The following MTIF2 variants were observed in gnomAD, a reference collection of about 807,000 sequenced individuals.
The protein encoded by MTIF2 is translation initiation factor IF-2, mitochondrial.
A neutral mutation model predicts 83.5 loss-of-function variants in MTIF2; 71 were observed. The ratio of observed to expected loss-of-function variants is 0.85; its 90% confidence interval spans 0.70 to 1.04. MTIF2 has a LOEUF of 1.04. MTIF2 is among the 50% of genes least tolerant of loss of function. MTIF2 has a pLI of 0.00. For synonymous variants in MTIF2, 319 were observed against 287.1 expected (o/e 1.11, Z -1.12); for missense variants, 957 against 846.5 (o/e 1.13, Z -1.62).
intron 8 of MTIF2, among the ~76,000 whole-genome samples, chr2:55,252,251 A>C (rs1438419200): frequency 1.3e-5 from 2 of 152,210 alleles, no homozygotes; most frequent in Non-Finnish European, 2.9e-5. Context: ...TAGTAGAGGA[A>C]AGATTGTACC....
At position 55,263,765 on chromosome 2, in the gene MTIF2, G is replaced by C; in HGVS notation, c.94C>G (p.Gln32Glu). 6.2e-7 allele frequency: 1 copy of C among 1,614,056 alleles called. No individual in the cohort carries two copies. The highest frequency in any genetic ancestry group is 8.5e-7 in the Non-Finnish European group (1 of 1,180,012). ...GCAGATGAAAACCCATGCCTCCACT[G>C]TCTTAATGCTCTTCTTTGACACAGA... is the stretch of plus-strand genomic sequence containing the variant. The part of the protein sequence containing the change: ...HSLCQRRALR[Q>E]WRHGFSSAYP... The change falls in exon 4 of 16, where the codon CAG becomes GAG. Residue 32 changes from glutamine (Q) to glutamate (E), a missense_variant. This residue lies in a region of MTIF2 where 733 missense variants were observed against 648.7 expected (regional missense o/e 1.13). Coordinates refer to ENST00000263629, the MANE Select transcript of MTIF2 (RefSeq NM_002453.3).
At chr2:55,260,189 C>T (rs547102831) in intron 5 of MTIF2, among the ~76,000 whole-genome samples, 39 of 152,060 alleles carry the variant, frequency 2.6e-4, no homozygotes, top group Admixed American at 2.3e-3. Context: ...CACCTGAGGT[C>T]GGGAGTTCGA....
chr2:55,243,511 G>A lies in MTIF2; in HGVS notation c.1469C>T (p.Ser490Leu). 3 of 1,613,924 alleles carry A rather than the reference G, an allele frequency of 1.9e-6. No individual in the cohort carries two copies. The highest frequency in any genetic ancestry group is 2.5e-6 in the Non-Finnish European group (3 of 1,179,952). ...TTTTCTTTCTAAAAACCGTAGAATTGATCTCTTCTTCCACAGTAGATGGCC... is the reference window on the plus strand; with the variant it reads ...TTTTCTTTCTAAAAACCGTAGAATTAATCTCTTCTTCCACAGTAGATGGCC... Reference protein sequence around the residue: ...KYGHLLWKKRSILRFLERKEQ... With the variant: ...KYGHLLWKKRLILRFLERKEQ... The change falls in exon 12 of 16, where the codon TCA (serine) becomes TTA (leucine). Residue 490 changes from serine to leucine, a missense_variant. Coordinates refer to ENST00000263629, the MANE Select transcript of MTIF2 (RefSeq NM_002453.3).
At chr2:55,259,431 T>A (rs181534011) in intron 5 of MTIF2, among the ~76,000 whole-genome samples, 23 of 152,232 alleles carry the variant, frequency 1.5e-4, no homozygotes, top group African/African-American at 5.1e-4. Flanking sequence ...ATTTTAATCA[T>A]TCTATTTATT....
intron 3 of MTIF2, among the ~76,000 whole-genome samples, chr2:55,266,763 CTT>C (rs1216777992): frequency 0.11 from 9,453 of 85,488 alleles, 267 homozygotes; most frequent in East Asian, 0.26. Context: ...ACATTTCATT[CTT>C]TTTTTTTTTT....
At chr2:55,259,553 T>C (rs1677801470) in intron 5 of MTIF2, among the ~76,000 whole-genome samples, 1 of 152,018 alleles carries the variant, frequency 6.6e-6, no homozygotes, top group South Asian at 2.1e-4. Flanking sequence ...TACTGAAGTA[T>C]TTATGGATAA....
intron 8 of MTIF2, among the ~76,000 whole-genome samples, chr2:55,251,714 C>T (rs1056130854): frequency 6.6e-6 from 1 of 152,174 alleles, no homozygotes. Flanking sequence ...ACCTCCACCT[C>T]CCGGGTTCAA....
intron 5 of MTIF2, among the ~76,000 whole-genome samples, chr2:55,260,769 CT>C (rs972885796): frequency 2.6e-5 from 4 of 152,060 alleles, no homozygotes; most frequent in African/African-American, 4.8e-5. Context: ...ACTATTAATT[CT>C]TTTTTTCCCC....
At position 55,262,222 on chromosome 2, in the gene MTIF2, G is replaced by A. The variant is rs1678057496; in HGVS notation, c.331+94C>T. ...AATATATTTTTTAAGTGCCAGTCTA[G>A]TTTTTAATCTTTCAATGCCTTAATC... On this transcript the variant is annotated intron_variant, in intron 5 of 15. Transcript: ENST00000263629. 16 of 855,624 alleles carry A rather than the reference G, an allele frequency of 1.9e-5. No individual in the cohort carries two copies. The South Asian group carries it at 2.0e-4, about 11-fold the overall frequency. The allele number at this position is 855,624 out of a possible 1,614,324, so 53.0% of individuals were successfully genotyped here.
intron 5 of MTIF2, among the ~76,000 whole-genome samples, chr2:55,258,870 T>C (rs1240256623): frequency 2.0e-5 from 3 of 151,498 alleles, no homozygotes; most frequent in African/African-American, 7.3e-5. Flanking sequence ...ATCCCAGCTA[T>C]TCAGGAGGCT....
chr2:55,237,375 G>C lies in MTIF2; in HGVS notation c.1924C>G (p.Pro642Ala). 12 of 1,612,758 alleles carry C rather than the reference G, an allele frequency of 7.4e-6. No homozygotes were observed. Among genetic ancestry groups the C allele is most frequent in the Non-Finnish European group, 1.0e-5 (12 of 1,179,882 alleles). Reference sequence around the variant, plus strand: ...TTTTGGACTCTGCAGCCAGCCACAGGAACTTTTTTCTTCCCTTCTGTTACA... The same window carrying C: ...TTTTGGACTCTGCAGCCAGCCACAGCAACTTTTTTCTTCCCTTCTGTTACA... Reference protein sequence around the residue: ...FSVTEGKKKVPVAGCRVQKGQ... With the variant: ...FSVTEGKKKVAVAGCRVQKGQ... The change falls in exon 15 of 16, where the codon CCT becomes GCT. Residue 642 changes from proline (P) to alanine (A), a missense_variant. By Grantham distance (27) the Pro-to-Ala change is conservative (BLOSUM62 -1). Transcript: ENST00000263629.
At chr2:55,262,697 C>G (rs1678114286) in intron 4 of MTIF2, among the ~76,000 whole-genome samples, 1 of 149,164 alleles carries the variant, frequency 6.7e-6, no homozygotes, top group Non-Finnish European at 1.5e-5. Flanking sequence ...TGTGCACCAC[C>G]AAGCCCAGCT....
intron 14 of MTIF2, among the ~76,000 whole-genome samples, chr2:55,237,767 CAGCCTCCCGAGT>C (rs1675994049): frequency 6.7e-6 from 1 of 148,198 alleles, no homozygotes; most frequent in Non-Finnish European, 1.5e-5. Context: ...TCTCATGCCT[CAGCCTCCCGAGT>C]AGCTGGGATT....
At chr2:55,240,196 C>T in intron 13 of MTIF2, 21 bp from the exon 14 acceptor site, 3 of 1,578,962 alleles carry the variant, frequency 1.9e-6, no homozygotes, top group Non-Finnish European at 2.6e-6. Flanking sequence ...GAAATATGAT[C>T]AATGAAGTAG....
chr2:55,261,706 A>C (rs1220379211), intron 5 of MTIF2, among the ~76,000 whole-genome samples: 1 of 152,052 alleles, frequency 6.6e-6, no homozygotes, highest in Non-Finnish European at 1.5e-5. Flanking sequence ...TGGGAGGTTG[A>C]GGCAGAAGGA....
At chr2:55,262,522 C>A in intron 4 of MTIF2, 95 bp from the exon 5 acceptor site, 70 of 591,866 alleles carry the variant, frequency 1.2e-4, no homozygotes, top group Non-Finnish European at 1.6e-4. Flanking sequence ...ATCATAGCTA[C>A]ATTTCTTTCT....
At chr2:55,245,751 T>TAA (rs34006068) in intron 10 of MTIF2, among the ~76,000 whole-genome samples, 36 of 150,920 alleles carry the variant, frequency 2.4e-4, no homozygotes, top group Non-Finnish European at 3.3e-4. Flanking sequence ...TACCATAATT[T>TAA]AAAAAAAAAA....
In MTIF2 at chr2:55,243,064, A is replaced by T; in HGVS notation, c.1581T>A (p.Ser527=). 1 of 1,605,514 alleles carries T rather than the reference A, an allele frequency of 6.2e-7. No homozygotes were observed. The highest frequency in any genetic ancestry group is 8.5e-7 in the Non-Finnish European group (1 of 1,177,656). ...SVIIKGDVDG[S]VEAILNIIDT... The stretch of plus-strand genomic sequence containing the variant: ...CTATAATGTTCAAAATGGCCTCAAC[A>T]GAACCATCAACATCACCTAAATACA... The change falls in exon 13 of 16, where the codon TCT becomes TCA. Residue 527 remains serine, a synonymous_variant. Coordinates refer to ENST00000263629, the MANE Select transcript of MTIF2 (RefSeq NM_002453.3).
chr2:55,263,966 C>T, intron 3 of MTIF2, 101 bp from the exon 4 acceptor site: 1 of 858,568 alleles, frequency 1.2e-6, no homozygotes, highest in Non-Finnish European at 1.8e-6. Flanking sequence ...ACTTAGCTCA[C>T]TAGACTTACA....
Sources: allele counts gnomAD v4.1 joint callset (sites outside exome capture counted in the v4.1 genomes callset), GRCh38; gene constraint gnomAD v4.1.1; regional missense constraint gnomAD v4.1.1; transcripts MANE v1.5; gene names NCBI Gene and HGNC (gene_info 2026-07-23, HGNC 2026-07-21).